The following CAPN3 variants were observed in gnomAD, a reference collection of about 807,000 sequenced individuals.
CAPN3 encodes calpain 3, also known as calpain-3.
Under a neutral mutation model 114.0 loss-of-function variants are expected in CAPN3, and 88 were observed. That is an observed-to-expected ratio of 0.77 (90% CI 0.65 to 0.92). The LOEUF is 0.92. CAPN3 is among the 40% of genes least tolerant of loss of function. The pLI is 0.00. For synonymous variants in CAPN3, 386 were observed against 382.9 expected, an observed-to-expected ratio of 1.01 and a Z score of -0.09; for missense variants, 1,028 against 1,069.0, an observed-to-expected ratio of 0.96 and a Z score of 0.53.
At position 42,402,865 on chromosome 15, in the gene CAPN3, C is replaced by T. The variant is rs1483406857; in HGVS notation, c.1608C>T (p.Thr536=). Residue 536 remains threonine, a synonymous_variant, in exon 13 of 24, where the codon ACC becomes ACT. Transcript: ENST00000397163. ...ACGCCTCCAAGGCCAGGAGCAAAAC[C>T]TACATCAACATGCGGGAGGTGTCCC... ...LYNASKARSK[T]YINMREVSQR... 6.2e-7 allele frequency: 1 copy of T among 1,614,188 alleles called. No individual in the cohort carries two copies. Among genetic ancestry groups the T allele is most frequent in the Admixed American group, 1.7e-5 (1 of 60,024 alleles).
chr15:42,408,010 G>C (rs1260113540), intron 15 of CAPN3, among the ~76,000 whole-genome samples: 1 of 152,190 alleles, frequency 6.6e-6, no homozygotes, highest in South Asian at 2.1e-4. Flanking sequence ...AGGAGGGATG[G>C]AGTGGGTATG....
At chr15:42,381,740 A>G (rs187385906) in intron 1 of CAPN3, among the ~76,000 whole-genome samples, 1 of 152,106 alleles carries the variant, frequency 6.6e-6, no homozygotes, top group Admixed American at 6.6e-5. Context: ...AGGTTTCGTC[A>G]TGTTGGCCAG....
chr15:42,374,178 A>G (rs543444036), intron 1 of CAPN3: 140 of 135,060 alleles, frequency 1.0e-3, no homozygotes, highest in African/African-American at 4.7e-3. Flanking sequence ...TGAGGGTGGA[A>G]GAGCTATATT....
intron 10 of CAPN3, among the ~76,000 whole-genome samples, chr15:42,400,931 T>C (rs369260008): frequency 4.6e-5 from 7 of 152,260 alleles, no homozygotes; most frequent in African/African-American, 1.4e-4. Context: ...TGGTGGCTTA[T>C]GCCTGTAATC....
Position 42,411,967 on chromosome 15 carries a change from G to C in CAPN3, c.*194G>C. 2 of 1,515,596 alleles carry C rather than the reference G, an allele frequency of 1.3e-6. No homozygotes were observed. Among genetic ancestry groups the C allele is most frequent in the Non-Finnish European group, 1.8e-6 (2 of 1,130,050 alleles). 93.9% of individuals were successfully genotyped at this position (1,515,596 alleles called of 1,614,324 possible). A position where few individuals can be genotyped will look rare whatever the true frequency, so the allele number is the denominator to read the frequency against. On this transcript the variant is annotated 3_prime_UTR_variant, in exon 24 of 24. Transcript: ENST00000397163. ...CGGTCATGCCTAGCCTGACCCTTTA[G>C]TAAAGCAATGAGGTAGGAAGAACAA... is the stretch of plus-strand genomic sequence containing the variant.
At chr15:42,410,142 G>A (rs774825068) in intron 19 of CAPN3, 147 bp downstream of exon 19, 70 of 802,268 alleles carry the variant, frequency 8.7e-5, no homozygotes, top group Non-Finnish European at 1.0e-4. Flanking sequence ...TTGGATACTC[G>A]TCTGAAAGGG....
intron 10 of CAPN3, 71 bp downstream of exon 10, chr15:42,399,723 C>CT (rs1245478068): frequency 8.1e-7 from 1 of 1,236,414 alleles, no homozygotes; most frequent in African/African-American, 1.5e-5. Context: ...CTAACTAGTG[C>CT]TTATTAAGTC....
intron 10 of CAPN3, among the ~76,000 whole-genome samples, chr15:42,401,153 C>T (rs535369138): frequency 1.8e-4 from 28 of 151,958 alleles, no homozygotes; most frequent in African/African-American, 6.8e-4. Flanking sequence ...GAGATCGCGC[C>T]ACTGCACTCT....
intron 1 of CAPN3, among the ~76,000 whole-genome samples, chr15:42,379,120 T>C (rs1348064934): frequency 1.3e-5 from 2 of 152,136 alleles, no homozygotes; most frequent in Admixed American, 1.3e-4. Context: ...GAGACCAGCC[T>C]GACCAACATG....
intron 10 of CAPN3, among the ~76,000 whole-genome samples, 165 bp from the exon 11 acceptor site, chr15:42,401,476 C>CTG (rs1566980195): frequency 9.5e-6 from 1 of 104,902 alleles, no homozygotes; most frequent in African/African-American, 3.5e-5. Flanking sequence ...AGGTAGCGCC[C>CTG]CCCCCCCCCC....
chr15:42,407,973 G>T (rs745784369), intron 15 of CAPN3, among the ~76,000 whole-genome samples: 1 of 152,106 alleles, frequency 6.6e-6, no homozygotes, highest in East Asian at 1.9e-4. Flanking sequence ...AGCATTTCAC[G>T]TGCTGAGCTC....
Position 42,383,409 on chromosome 15 carries a change from C to T in CAPN3, c.310-1074C>T, listed in dbSNP as rs535009181. ...TTCGAGACCAGCCTGGCCAACATGGCGAAACCTCATCTCTCTCTACTAAGA... is the reference window on the plus strand; with the variant it reads ...TTCGAGACCAGCCTGGCCAACATGGTGAAACCTCATCTCTCTCTACTAAGA... On this transcript the variant is annotated intron_variant, in intron 1 of 23. Transcript: ENST00000397163. Among the ~76,000 whole-genome samples, 434 of 152,146 alleles carry T rather than the reference C, an allele frequency of 2.9e-3. 2 individuals carry two copies. Among genetic ancestry groups the T allele is most frequent in the Middle Eastern group, 6.8e-3 (2 of 294 alleles).
At chr15:42,408,152 G>A (rs2054078701) in intron 15 of CAPN3, 59 bp from the exon 16 acceptor site, 6 of 1,115,246 alleles carry the variant, frequency 5.4e-6, no homozygotes, top group Admixed American at 5.1e-5. Flanking sequence ...TGCTGCCTCA[G>A]TGTGCCTGTT....
intron 6 of CAPN3, among the ~76,000 whole-genome samples, chr15:42,391,360 T>C (rs529881389): frequency 6.6e-6 from 1 of 152,258 alleles, no homozygotes; most frequent in African/African-American, 2.4e-5. Flanking sequence ...TTGAATGATA[T>C]GCTTAGGTAA....
At chr15:42,364,957 A>G (rs1161301295) in intron 1 of CAPN3, among the ~76,000 whole-genome samples, 2 of 152,186 alleles carry the variant, frequency 1.3e-5, no homozygotes, top group Non-Finnish European at 2.9e-5. Context: ...ATGAAAAGGT[A>G]TCTGGTCCTC....
At chr15:42,393,585 T>G (rs1176521353) in intron 7 of CAPN3, among the ~76,000 whole-genome samples, 3 of 145,652 alleles carry the variant, frequency 2.1e-5, no homozygotes, top group Admixed American at 1.4e-4. Context: ...CCTTTTGTCT[T>G]TCTTTCTTTC....
intron 12 of CAPN3, 174 bp from the exon 13 acceptor site, chr15:42,402,620 G>A: frequency 2.0e-6 from 3 of 1,523,380 alleles, no homozygotes; most frequent in South Asian, 1.2e-5. Context: ...CAACAGAAAA[G>A]GAAGAGGAAG....
chr15:42,393,048 G>A lies in CAPN3; in HGVS notation c.1029+326G>A, dbSNP rs566519924. On this transcript the variant is annotated intron_variant, in intron 7 of 23. Coordinates refer to ENST00000397163, the MANE Select transcript of CAPN3 (RefSeq NM_000070.3). The stretch of plus-strand genomic sequence containing the variant: ...GTGTTCTTGAGCTTCCTGTTCTCTC[G>A]TGTTCAGATAGCTACAGTTGTCTCT... 5.9e-5 allele frequency among the ~76,000 whole-genome samples: 9 copies of A among 152,160 alleles called. 1 individual carries two copies. The East Asian group carries it at 7.7e-4, about 13-fold the overall frequency.
In CAPN3 at chr15:42,411,335, A is replaced by G. The variant is rs200485658; in HGVS notation, c.2429A>G (p.Asn810Ser). Reference protein sequence around the residue: ...DKDGDGIIKLNVLEWLQLTMY... With the variant: ...DKDGDGIIKLSVLEWLQLTMY... ...GATGGAGATGGTATCATCAAGCTCA[A>G]CGTTCTGGAGGTAAAGCATAGGCAC... Residue 810 changes from asparagine (N) to serine (S), a missense_variant, in exon 23 of 24, where the codon AAC becomes AGC. Asn to Ser is a conservative substitution (Grantham distance 46). Transcript: ENST00000397163. 52 of 1,614,060 alleles carry G rather than the reference A, an allele frequency of 3.2e-5. No homozygotes were observed. Among genetic ancestry groups the G allele is most frequent in the Admixed American group, 1.7e-4 (10 of 60,016 alleles).
Sources: gnomAD v4.1 joint callset for allele counts (sites outside exome capture counted in the v4.1 genomes callset) on GRCh38, gnomAD v4.1.1 for gene constraint, MANE v1.5 for transcripts, NCBI Gene and HGNC (gene_info 2026-07-23, HGNC 2026-07-21) for gene names.